The following NRP2 variants were observed in gnomAD, a reference collection of about 807,000 sequenced individuals.
The protein encoded by NRP2 is neuropilin 2.
In NRP2, 52 loss-of-function variants were observed where a neutral mutation model predicts 110.4. That is an observed-to-expected ratio of 0.47 (90% CI 0.38 to 0.59). The LOEUF (loss-of-function observed/expected upper bound fraction) is 0.59, where lower values mean the gene tolerates loss of function less well. NRP2 is among the 20% of genes least tolerant of loss of function. The pLI is 0.00. For synonymous variants in NRP2, 508 were observed against 468.9 expected, an observed-to-expected ratio of 1.08 and a Z score of -1.08; for missense variants, 1,049 against 1,203.0, an observed-to-expected ratio of 0.87 and a Z score of 1.89.
At chr2:205,720,389 G>A (rs530961538) in intron 3 of NRP2, among the ~76,000 whole-genome samples, 4 of 150,396 alleles carry the variant, frequency 2.7e-5, no homozygotes, top group African/African-American at 7.3e-5. Context: ...GCCTCTCTTA[G>A]ACTCACTAGA....
At chr2:205,772,239 A>G (rs2058033926) in intron 15 of NRP2, among the ~76,000 whole-genome samples, 1 of 152,250 alleles carries the variant, frequency 6.6e-6, no homozygotes, top group Non-Finnish European at 1.5e-5. Flanking sequence ...AATACACAGG[A>G]AATGTCCACT....
chr2:205,683,351 A>C lies in NRP2; in HGVS notation c.61A>C (p.Arg21=). Residue 21 remains arginine, a synonymous_variant, in exon 1 of 17, where the codon AGA becomes CGA. Coordinates refer to ENST00000357785, the MANE Select transcript of NRP2 (RefSeq NM_003872.3). ...LALYFSRHQV[R]GQPDPPCGGR... is the part of the protein sequence containing the mutation. ...CCTCTACTTTTCAAGACACCAAGTG[A>C]GAGGCCAACCAGGTAAGCCACTGAA... 2 of 1,613,184 alleles carry C rather than the reference A, an allele frequency of 1.2e-6. No individual in the cohort carries two copies. Among genetic ancestry groups the C allele is most frequent in the Non-Finnish European group, 8.5e-7 (1 of 1,179,134 alleles).
At position 205,792,244 on chromosome 2, in the gene NRP2, C is replaced by A. The variant is rs951487901; in HGVS notation, c.2435C>A (p.Pro812Gln). 4 of 1,590,784 alleles carry A rather than the reference C, an allele frequency of 2.5e-6. No individual in the cohort carries two copies. Among genetic ancestry groups the A allele is most frequent in the Non-Finnish European group, 2.6e-6 (3 of 1,158,900 alleles). ...EPISAFAVDI[P>Q]EIHEREGYED... ...TTTCTTTATATTATAGTGGACATCCCAGAAATACATGAGAGAGAAGGATAT... is the reference window on the plus strand; with the variant it reads ...TTTCTTTATATTATAGTGGACATCCAAGAAATACATGAGAGAGAAGGATAT... The change falls in exon 16 of 17, where the codon CCA (proline) becomes CAA (glutamine). Residue 812 changes from proline (P) to glutamine (Q), a missense_variant. By Grantham distance (76) the Pro-to-Gln change is moderately conservative. Coordinates refer to ENST00000357785, the MANE Select transcript of NRP2 (RefSeq NM_003872.3).
At chr2:205,685,578 T>A (rs2056132177) in intron 1 of NRP2, among the ~76,000 whole-genome samples, 1 of 152,142 alleles carries the variant, frequency 6.6e-6, no homozygotes, top group Non-Finnish European at 1.5e-5. Context: ...CGCGGCACCT[T>A]GGGCTGGCGC....
chr2:205,727,681 C>A (rs757917531), intron 6 of NRP2, among the ~76,000 whole-genome samples: 4 of 152,166 alleles, frequency 2.6e-5, no homozygotes, highest in Non-Finnish European at 5.9e-5. Flanking sequence ...AGAAAAATAA[C>A]CTAACTTTTC....
intron 15 of NRP2, among the ~76,000 whole-genome samples, chr2:205,782,855 G>GT (rs71410838): frequency 0.019 from 2,726 of 144,048 alleles, 29 homozygotes; most frequent in Non-Finnish European, 0.024. Flanking sequence ...ACTGTGTCTA[G>GT]TTTTTTTTTT....
At chr2:205,714,968 G>A (rs1361642094) in intron 2 of NRP2, among the ~76,000 whole-genome samples, 1 of 152,180 alleles carries the variant, frequency 6.6e-6, no homozygotes, top group Non-Finnish European at 1.5e-5. Flanking sequence ...CCACAGAAGG[G>A]TGCATTCCCA....
intron 2 of NRP2, among the ~76,000 whole-genome samples, chr2:205,714,366 G>T (rs1466608171): frequency 1.3e-5 from 2 of 152,176 alleles, no homozygotes; most frequent in African/African-American, 4.8e-5. Context: ...TAGTCCAGAT[G>T]AGTTGTCTGA....
At position 205,794,773 on chromosome 2, in the gene NRP2, G is replaced by C. The variant is rs1463778870; in HGVS notation, c.2496G>C (p.Trp832Cys). The C allele has an allele frequency of 6.8e-6, 11 of 1,614,176 alleles. No homozygotes were observed. The highest frequency in any genetic ancestry group is 5.3e-5 in the African/African-American group (4 of 75,034). The change falls in exon 17 of 17, where the codon TGG becomes TGC. Residue 832 changes from tryptophan (W) to cysteine (C), a missense_variant. Physicochemically the swap from Trp to Cys is radical, Grantham distance 215 (BLOSUM62 -2). Transcript: ENST00000357785. ...DEIDDEYEVDWSNSSSATSGS... is the reference protein window; with the variant it reads ...DEIDDEYEVDCSNSSSATSGS... ...TCGCAGATGAATACGAGGTGGACTG[G>C]AGCAATTCTTCTTCTGCAACCTCAG...
In NRP2 at chr2:205,794,872, C is replaced by A. The variant is rs757060576; in HGVS notation, c.2595C>A (p.Ile865=). ...TGGATCCCATCCTCATCACCATCAT[C>A]GCCATGAGCTCACTGGGCGTCCTCC... The part of the protein sequence containing the change: ...YTLDPILITI[I]AMSSLGVLLG... The change falls in exon 17 of 17, where the codon ATC becomes ATA. Residue 865 remains isoleucine (I), a synonymous_variant. Coordinates refer to ENST00000357785, the MANE Select transcript of NRP2 (RefSeq NM_003872.3). 6.2e-6 allele frequency: 10 copies of A among 1,614,194 alleles called. No individual in the cohort carries two copies. The highest frequency in any genetic ancestry group is 8.5e-6 in the Non-Finnish European group (10 of 1,180,034).
At chr2:205,688,929 C>A (rs566697968) in intron 1 of NRP2, among the ~76,000 whole-genome samples, 1 of 152,270 alleles carries the variant, frequency 6.6e-6, no homozygotes, top group East Asian at 1.9e-4. Flanking sequence ...TATCCATCAC[C>A]CGCCCTCCCC....
rs2057415788 is a variant in NRP2 at position 205,740,234 on chromosome 2, C to T, written c.1147-285C>T. Reference sequence around the variant, plus strand: ...CTTTTCTCTTTCTTCCTTAGCTTCTCAAGTGTTTTCCTTCTTCTGCCTGCT... The same window carrying T: ...CTTTTCTCTTTCTTCCTTAGCTTCTTAAGTGTTTTCCTTCTTCTGCCTGCT... On this transcript the variant is annotated intron_variant, in intron 7 of 16. Transcript: ENST00000357785. Among the ~76,000 whole-genome samples, 3 of 152,184 alleles carry T rather than the reference C, an allele frequency of 2.0e-5. No homozygotes were observed. The South Asian group carries it at 6.2e-4, about 31-fold the overall frequency.
At chr2:205,787,537 G>T (rs1027498113) in intron 15 of NRP2, among the ~76,000 whole-genome samples, 1 of 152,174 alleles carries the variant, frequency 6.6e-6, no homozygotes, top group Non-Finnish European at 1.5e-5. Flanking sequence ...AATGCGGGAA[G>T]TAAACAGTGT....
intron 15 of NRP2, among the ~76,000 whole-genome samples, chr2:205,791,855 G>T (rs1396141025): frequency 2.0e-5 from 3 of 152,196 alleles, no homozygotes; most frequent in African/African-American, 7.2e-5. Context: ...CCTATGAAGA[G>T]GTGCAGCATG....
At chr2:205,762,285 A>G (rs7564637) in intron 12 of NRP2, 108,294 of 152,198 alleles carry the variant, frequency 0.71, 38,819 homozygotes, top group African/African-American at 0.78. Context: ...AACAGGAAGG[A>G]GCTTAGGGGA....
Position 205,683,050 on chromosome 2 carries a change from C to T in NRP2, c.-241C>T. The T allele has an allele frequency of 1.8e-6, 1 of 548,998 alleles. No homozygotes were observed. The highest frequency in any genetic ancestry group is 3.3e-6 in the Non-Finnish European group (1 of 307,596). 34.0% of individuals were successfully genotyped at this position (548,998 alleles called of 1,614,324 possible). A position where few individuals can be genotyped will look rare whatever the true frequency, so the allele number is the denominator to read the frequency against. On this transcript the variant is annotated 5_prime_UTR_variant, in exon 1 of 17. Transcript: ENST00000357785. The stretch of plus-strand genomic sequence containing the variant: ...TGCGTTTTGTTTTTAAGAGGAAAAC[C>T]GTGTTCTCTTCCCGGCTTGTTCCCT...
intron 2 of NRP2, among the ~76,000 whole-genome samples, chr2:205,707,236 T>C (rs983016148): frequency 6.6e-6 from 1 of 152,228 alleles, no homozygotes; most frequent in East Asian, 1.9e-4. Flanking sequence ...GGGCTGCCTG[T>C]GCAGCATGAT....
rs374822572 is a variant in NRP2, at chr2:205,745,889, A to C, written c.1785A>C (p.Thr595=). The C allele has an allele frequency of 6.5e-5, 105 of 1,614,036 alleles. No individual in the cohort carries two copies. Among genetic ancestry groups the C allele is most frequent in the Non-Finnish European group, 8.8e-5 (104 of 1,180,020 alleles). ...MRLEVLGCDW[T]DSKPTVETLG... is the part of the protein sequence containing the mutation. ...TGGAGGTGCTGGGCTGTGACTGGAC[A>C]GGTAAGATGACATTTCCTCCTCTTT... Residue 595 remains threonine, a splice_region_variant and synonymous_variant, in exon 10 of 17, where the codon ACA becomes ACC. Coordinates refer to ENST00000357785, the MANE Select transcript of NRP2 (RefSeq NM_003872.3).
intron 7 of NRP2, among the ~76,000 whole-genome samples, chr2:205,736,266 C>T (rs530324611): frequency 1.1e-4 from 16 of 152,224 alleles, no homozygotes; most frequent in South Asian, 1.0e-3. Context: ...TGCTTGAAAC[C>T]GGGAGGCAGA....
Sources: gnomAD v4.1 joint callset for allele counts (sites outside exome capture counted in the v4.1 genomes callset) on GRCh38, gnomAD v4.1.1 for gene constraint, MANE v1.5 for transcripts, NCBI Gene and HGNC (gene_info 2026-07-23, HGNC 2026-07-21) for gene names.